The following GMCL1 variants were observed in gnomAD, a reference collection of about 807,000 sequenced individuals.
GMCL1 encodes the protein germ cell-less 1, spermatogenesis associated.
A neutral mutation model predicts 75.5 loss-of-function variants in GMCL1; 54 were observed. The observed-to-expected ratio is 0.71, with a 90% CI of 0.57 to 0.90. The LOEUF is 0.90. Ranked by LOEUF, GMCL1 falls within the 40% of genes least tolerant of loss-of-function variation. The probability of loss-of-function intolerance (pLI) is 0.00; values close to 1 mark genes in which losing one functional copy is unlikely to be tolerated. For missense variants in GMCL1, 537 were observed against 622.7 expected (o/e 0.86, Z 1.47); for synonymous variants, 210 against 209.6 (o/e 1.00, Z -0.02).
chr2:69,844,281 C>A, intron 6 of GMCL1, 85 bp downstream of exon 6: 1 of 728,696 alleles, frequency 1.4e-6, no homozygotes, highest in Non-Finnish European at 2.3e-6. Flanking sequence ...TTTTGTAGAA[C>A]ACAAAAATAT....
intron 9 of GMCL1, among the ~76,000 whole-genome samples, chr2:69,856,501 C>A (rs1435058326): frequency 2.6e-5 from 4 of 152,098 alleles, no homozygotes; most frequent in Non-Finnish European, 5.9e-5. Context: ...TCATTAGGTT[C>A]ATTAACTGTC....
intron 10 of GMCL1, among the ~76,000 whole-genome samples, chr2:69,864,263 A>T (rs1254870469): frequency 1.3e-5 from 2 of 151,846 alleles, no homozygotes; most frequent in South Asian, 2.1e-4. Flanking sequence ...TAGGCATTTC[A>T]TGTTGTGAAT....
At chr2:69,833,484 T>C (rs1674731372) in intron 1 of GMCL1, among the ~76,000 whole-genome samples, 2 of 152,088 alleles carry the variant, frequency 1.3e-5, no homozygotes, top group South Asian at 2.1e-4. Flanking sequence ...GGCTTGGTGG[T>C]GCACGCCTGT....
chr2:69,844,223 A>C (rs774192463), intron 6 of GMCL1, 27 bp downstream of exon 6: 1 of 1,213,286 alleles, frequency 8.2e-7, no homozygotes, highest in Non-Finnish European at 1.2e-6. Flanking sequence ...TAACTTCATA[A>C]TTAGTCATCC....
intron 9 of GMCL1, among the ~76,000 whole-genome samples, chr2:69,856,649 T>G (rs10202445): frequency 6.7e-4 from 85 of 127,158 alleles, no homozygotes; most frequent in Admixed American, 2.6e-3. Flanking sequence ...CCTTTTTTTT[T>G]TTTTTTTTTT....
chr2:69,841,115 A>G, intron 4 of GMCL1, 76 bp downstream of exon 4: 1 of 930,350 alleles, frequency 1.1e-6, no homozygotes, highest in Non-Finnish European at 1.6e-6. Flanking sequence ...AAAAACAAAA[A>G]TAAAGCTTAG....
chr2:69,850,720 C>A (rs1675294072), intron 8 of GMCL1, among the ~76,000 whole-genome samples: 1 of 152,120 alleles, frequency 6.6e-6, no homozygotes, highest in Non-Finnish European at 1.5e-5. Context: ...AAAAAATAAT[C>A]CTTGATTAGT....
intron 1 of GMCL1, among the ~76,000 whole-genome samples, chr2:69,835,893 T>C (rs1423858573): frequency 6.6e-6 from 1 of 152,092 alleles, no homozygotes; most frequent in Non-Finnish European, 1.5e-5. Context: ...GGATTGGGAG[T>C]GAACAGGCCA....
intron 11 of GMCL1, among the ~76,000 whole-genome samples, chr2:69,868,487 G>A (rs977244502): frequency 7.9e-5 from 12 of 152,026 alleles, no homozygotes; most frequent in South Asian, 2.1e-4. Context: ...AAACAAACTC[G>A]TGAACCCCAT....
chr2:69,864,763 C>T (rs941341004), intron 10 of GMCL1, 137 bp from the exon 11 acceptor site: 2 of 595,616 alleles, frequency 3.4e-6, no homozygotes, highest in South Asian at 4.6e-5. Context: ...TTAATCAACA[C>T]TTTCTTATTT....
intron 11 of GMCL1, 34 bp downstream of exon 11, chr2:69,865,009 ACAAATTGTATT>A (rs753128153): frequency 6.7e-7 from 1 of 1,492,272 alleles, no homozygotes. Flanking sequence ...ATATTCTTAT[ACAAATTGTATT>A]ATCAGCACAT....
At chr2:69,877,776 CTTG>C (rs1676166528) in intron 13 of GMCL1, among the ~76,000 whole-genome samples, 1 of 151,710 alleles carries the variant, frequency 6.6e-6, no homozygotes, top group South Asian at 2.1e-4. Flanking sequence ...AATTTATCTT[CTTG>C]TTCCCTCAAC....
chr2:69,856,547 G>A (rs1025619788), intron 9 of GMCL1, among the ~76,000 whole-genome samples: 1 of 150,964 alleles, frequency 6.6e-6, no homozygotes, highest in African/African-American at 2.4e-5. Context: ...CCTCCACTTG[G>A]ATACCTCTGA....
chr2:69,855,135 G>T (rs1014203181), intron 9 of GMCL1, among the ~76,000 whole-genome samples, 175 bp downstream of exon 9: 14 of 152,034 alleles, frequency 9.2e-5, no homozygotes, highest in African/African-American at 3.4e-4. Flanking sequence ...TACATATCAT[G>T]AGTATTTTCC....
At chr2:69,836,010 G>A (rs560980320) in intron 1 of GMCL1, among the ~76,000 whole-genome samples, 1 of 152,228 alleles carries the variant, frequency 6.6e-6, no homozygotes, top group Non-Finnish European at 1.5e-5. Context: ...AAAAACCTTG[G>A]AATCTTTTTG....
At chr2:69,844,313 T>G in intron 6 of GMCL1, 117 bp downstream of exon 6, 1 of 575,754 alleles carries the variant, frequency 1.7e-6, no homozygotes, top group Non-Finnish European at 3.1e-6. Context: ...GCAAACAATT[T>G]AATGAAAGGG....
chr2:69,864,952 A>G lies in GMCL1; in HGVS notation c.1195A>G (p.Arg399Gly). 1 of 1,613,566 alleles carries G rather than the reference A, an allele frequency of 6.2e-7. No individual in the cohort carries two copies. Among genetic ancestry groups the G allele is most frequent in the Non-Finnish European group, 8.5e-7 (1 of 1,179,560 alleles). The change falls in exon 11 of 14, where the codon AGA becomes GGA. Residue 399 changes from arginine (R) to glycine (G), a missense_variant. Transcript: ENST00000282570. ...AGAGGGAAACAGCATGAGGTGTGGT[A>G]GAAAGCTTGCCAAAGATGGTGAAGT... ...ELEGNSMRCG[R>G]KLAKDGEYCW...
chr2:69,862,510 A>C (rs1385787189), intron 10 of GMCL1, among the ~76,000 whole-genome samples: 1 of 152,174 alleles, frequency 6.6e-6, no homozygotes, highest in South Asian at 2.1e-4. Context: ...CTGTAATCCC[A>C]GCACTTTGGG....
chr2:69,839,470 C>G lies in GMCL1; in HGVS notation c.398C>G (p.Ser133Cys), dbSNP rs1674920435. The part of the protein sequence containing the change: ...KIYLCQSGYF[S>C]SMFSGSWKES... ...TTTTTGTTTAAGTCTGGCTACTTTTCTAGTATGTTCAGTGGTTCTTGGAAA... is the reference window on the plus strand; with the variant it reads ...TTTTTGTTTAAGTCTGGCTACTTTTGTAGTATGTTCAGTGGTTCTTGGAAA... Residue 133 changes from serine to cysteine, a missense_variant, in exon 3 of 14, where the codon TCT (serine) becomes TGT (cysteine). Physicochemically the swap from Ser to Cys is moderately radical, Grantham distance 112. This residue lies in a region of GMCL1 where 48 missense variants were observed against 85.0 expected (regional missense o/e 0.56). Coordinates refer to ENST00000282570, the MANE Select transcript of GMCL1 (RefSeq NM_178439.5). 1.3e-6 allele frequency: 2 copies of G among 1,579,364 alleles called. No individual in the cohort carries two copies. The highest frequency in any genetic ancestry group is 1.1e-5 in the South Asian group (1 of 87,976).
Sources: allele counts gnomAD v4.1 joint callset (sites outside exome capture counted in the v4.1 genomes callset), GRCh38; gene constraint gnomAD v4.1.1; regional missense constraint gnomAD v4.1.1; transcripts MANE v1.5; gene names NCBI Gene and HGNC (gene_info 2026-07-23, HGNC 2026-07-21).